The following MED12L variants were observed in gnomAD, a reference collection of about 807,000 sequenced individuals.
The protein encoded by MED12L is mediator of RNA polymerase II transcription subunit 12-like protein.
MED12L carries 60 observed loss-of-function variants against 281.3 expected under a neutral mutation model. The observed-to-expected ratio is 0.21, with a 90% CI of 0.17 to 0.26. The LOEUF (loss-of-function observed/expected upper bound fraction) is 0.26, where lower values mean the gene tolerates loss of function less well. MED12L is among the 10% of genes least tolerant of loss of function. MED12L has a pLI of 1.00. For synonymous variants in MED12L, 974 were observed against 987.2 expected (o/e 0.99, Z 0.25); for missense variants, 2,146 against 2,680.9 (o/e 0.80, Z 4.41).
At chr3:151,291,919 A>G (rs192677133) in intron 16 of MED12L, among the ~76,000 whole-genome samples, 1 of 152,376 alleles carries the variant, frequency 6.6e-6, no homozygotes, top group East Asian at 1.9e-4. Flanking sequence ...AAGATATTCC[A>G]TTGATTTAAT....
At chr3:151,229,828 G>A (rs1321452294) in intron 16 of MED12L, among the ~76,000 whole-genome samples, 1 of 152,174 alleles carries the variant, frequency 6.6e-6, no homozygotes, top group South Asian at 2.1e-4. Context: ...TGGAGCAACT[G>A]TATTAGTTGC....
intron 16 of MED12L, among the ~76,000 whole-genome samples, chr3:151,348,340 C>CAAAA (rs11382065): frequency 1.1e-4 from 10 of 87,802 alleles, no homozygotes; most frequent in African/African-American, 3.1e-4. Context: ...ACCACCAGAC[C>CAAAA]AAAAAAAAAA....
intron 13 of MED12L, among the ~76,000 whole-genome samples, chr3:151,189,745 G>A (rs1362982792): frequency 6.6e-6 from 1 of 152,166 alleles, no homozygotes; most frequent in Non-Finnish European, 1.5e-5. Flanking sequence ...TGGTACCAAG[G>A]ATTGAGCTTT....
Position 151,356,009 on chromosome 3 carries a change from C to T in MED12L, c.2631C>T (p.Asn877=). The change falls in exon 19 of 45, where the codon AAC becomes AAT. Residue 877 remains asparagine, a synonymous_variant. Transcript: ENST00000687756. ...TTGATCTCATGGAGCCAGCACTGAA[C>T]ATCAACGGACTAATTGACTTCGCAA... is the stretch of plus-strand genomic sequence containing the variant. ...LIFDLMEPAL[N]INGLIDFAIQ... 6.2e-7 allele frequency: 1 copy of T among 1,613,414 alleles called. No individual in the cohort carries two copies. Among genetic ancestry groups the T allele is most frequent in the Non-Finnish European group, 8.5e-7 (1 of 1,179,820 alleles).
intron 42 of MED12L, among the ~76,000 whole-genome samples, chr3:151,413,744 G>T (rs1303692689): frequency 6.6e-6 from 1 of 152,202 alleles, no homozygotes; most frequent in African/African-American, 2.4e-5. Flanking sequence ...ATAAGGCTGT[G>T]AAATGGGAGG....
intron 21 of MED12L, among the ~76,000 whole-genome samples, chr3:151,363,982 C>G (rs967970761): frequency 5.7e-4 from 87 of 151,914 alleles, no homozygotes; most frequent in African/African-American, 2.1e-3. Flanking sequence ...GCCATTGATG[C>G]AAGTATATAA....
intron 39 of MED12L, among the ~76,000 whole-genome samples, chr3:151,403,203 T>C (rs966809102): frequency 5.3e-5 from 8 of 152,312 alleles, no homozygotes; most frequent in Admixed American, 3.3e-4. Context: ...GGAAGTTTTT[T>C]TCTGAAAATG....
chr3:151,137,518 C>T (rs1281075894), intron 5 of MED12L, among the ~76,000 whole-genome samples: 2 of 152,190 alleles, frequency 1.3e-5, no homozygotes, highest in Non-Finnish European at 2.9e-5. Context: ...CTCATTGCTA[C>T]TGGGATGTTG....
rs989269816 is a variant in MED12L at position 151,435,610 on chromosome 3, A to C, written c.*2806A>C. 9.3e-6 allele frequency: 1 copy of C among 107,152 alleles called. No individual in the cohort carries two copies. The highest frequency in any genetic ancestry group is 2.0e-5 in the Non-Finnish European group (1 of 50,444). The allele number at this position is 107,152 out of a possible 1,614,324, so 6.6% of individuals were successfully genotyped here. ...TATGGCATTTTTTTCCCATTTATAAAGCTCCTATAATTCTTAAGTAAGTAC... is the reference window on the plus strand; with the variant it reads ...TATGGCATTTTTTTCCCATTTATAACGCTCCTATAATTCTTAAGTAAGTAC... On this transcript the variant is annotated 3_prime_UTR_variant, in exon 45 of 45. Coordinates refer to ENST00000687756, the MANE Select transcript of MED12L (RefSeq NM_001393769.1).
intron 16 of MED12L, among the ~76,000 whole-genome samples, chr3:151,302,832 A>G (rs1256260814): frequency 6.6e-6 from 1 of 152,218 alleles, no homozygotes; most frequent in Non-Finnish European, 1.5e-5. Flanking sequence ...GAGTTTATAA[A>G]GAAGAGAAAG....
At chr3:151,198,851 A>G (rs1294247927) in intron 16 of MED12L, 1 of 1,613,830 alleles carries the variant, frequency 6.2e-7, no homozygotes, top group East Asian at 2.2e-5. Context: ...GAAATTTGTC[A>G]GCAAATGCCA....
At chr3:151,373,901 G>A (rs1756498698) in intron 27 of MED12L, among the ~76,000 whole-genome samples, 1 of 152,120 alleles carries the variant, frequency 6.6e-6, no homozygotes, top group Non-Finnish European at 1.5e-5. Context: ...TGGGTATTAT[G>A]TATGCTCATG....
intron 38 of MED12L, among the ~76,000 whole-genome samples, chr3:151,393,357 A>G (rs1470750250): frequency 6.6e-6 from 1 of 152,226 alleles, no homozygotes; most frequent in Non-Finnish European, 1.5e-5. Flanking sequence ...TACATATGAA[A>G]GAAGCAGGTT....
At chr3:151,343,103 T>G (rs1184829926) in intron 16 of MED12L, among the ~76,000 whole-genome samples, 1 of 152,122 alleles carries the variant, frequency 6.6e-6, no homozygotes, top group Non-Finnish European at 1.5e-5. Context: ...GAGGCCCCAG[T>G]AGTGAGAAGT....
At position 151,158,742 on chromosome 3, in the gene MED12L, A is replaced by G. The variant is rs1030395993; in HGVS notation, c.780A>G (p.Glu260=). Residue 260 remains glutamate, a synonymous_variant, in exon 7 of 45, where the codon GAA becomes GAG. Transcript: ENST00000687756. ...TGACATGGATCCTGGATGTTTTAGA[A>G]AAGATCAGACCAATGGATGATGATC... ...EYLTWILDVL[E]KIRPMDDDLL... 1.2e-6 allele frequency: 2 copies of G among 1,613,348 alleles called. No individual in the cohort carries two copies. The highest frequency in any genetic ancestry group is 1.7e-6 in the Non-Finnish European group (2 of 1,179,644).
At chr3:151,420,751 G>A (rs530953771) in intron 43 of MED12L, among the ~76,000 whole-genome samples, 4 of 152,274 alleles carry the variant, frequency 2.6e-5, no homozygotes, top group South Asian at 2.1e-4. Context: ...TGAGCCCACC[G>A]CTGCACTTCT....
At chr3:151,292,288 C>CTTTTTTTTT (rs35742538) in intron 16 of MED12L, among the ~76,000 whole-genome samples, 1 of 139,894 alleles carries the variant, frequency 7.1e-6, no homozygotes, top group African/African-American at 2.7e-5. Context: ...AATATTGCTC[C>CTTTTTTTTT]TTTTTTTTTT....
intron 31 of MED12L, among the ~76,000 whole-genome samples, chr3:151,378,654 A>G (rs1711660712): frequency 6.6e-6 from 1 of 152,060 alleles, no homozygotes; most frequent in African/African-American, 2.4e-5. Context: ...ATGTTTTCTT[A>G]ATTTATTTTA....
At chr3:151,347,673 CGGTGTG>C (rs1402654458) in intron 16 of MED12L, among the ~76,000 whole-genome samples, 1 of 151,982 alleles carries the variant, frequency 6.6e-6, no homozygotes, top group Non-Finnish European at 1.5e-5. Context: ...TAAGGCAGTT[CGGTGTG>C]GGTGTGGGGG....
Sources: gnomAD v4.1 joint callset for allele counts (sites outside exome capture counted in the v4.1 genomes callset) on GRCh38, gnomAD v4.1.1 for gene constraint, MANE v1.5 for transcripts, NCBI Gene and HGNC (gene_info 2026-07-23, HGNC 2026-07-21) for gene names.